Variants in GATAD2B observed in about 807,000 individuals in gnomAD.
The protein encoded by GATAD2B is transcriptional repressor p66-beta.
GATAD2B carries 8 observed loss-of-function variants against 64.3 expected under a neutral mutation model. That is an observed-to-expected ratio of 0.12 (90% CI 0.07 to 0.22). The LOEUF is 0.22. Among genes scored for constraint, GATAD2B ranks in the 10% least tolerant of loss-of-function variants. GATAD2B has a pLI of 1.00. For synonymous variants in GATAD2B, 281 were observed against 271.3 expected (o/e 1.04, Z -0.35); for missense variants, 453 against 752.0 (o/e 0.60, Z 4.65).
At chr1:153,869,000 A>G (rs1471213532) in intron 1 of GATAD2B, among the ~76,000 whole-genome samples, 2 of 152,130 alleles carry the variant, frequency 1.3e-5, no homozygotes, top group Non-Finnish European at 2.9e-5. Context: ...TTAGCATACA[A>G]AGACAATTCT....
intron 1 of GATAD2B, among the ~76,000 whole-genome samples, chr1:153,903,357 T>C (rs1236552045): frequency 6.6e-6 from 1 of 152,184 alleles, no homozygotes; most frequent in Non-Finnish European, 1.5e-5. Context: ...GCATCTGGAA[T>C]CTTCACTCCA....
At chr1:153,866,120 C>T (rs1223071799) in intron 1 of GATAD2B, among the ~76,000 whole-genome samples, 1 of 150,224 alleles carries the variant, frequency 6.7e-6, no homozygotes, top group Non-Finnish European at 1.5e-5. Flanking sequence ...AGAACAATCG[C>T]TTGAACTTGG....
At chr1:153,811,989 A>G (rs770073613) in intron 9 of GATAD2B, 33 bp downstream of exon 9, 23 of 1,406,476 alleles carry the variant, frequency 1.6e-5, no homozygotes, top group Non-Finnish European at 1.7e-5. Context: ...TAAATCTTCT[A>G]AAGAAATCAG....
At position 153,815,578 on chromosome 1, in the gene GATAD2B, T is replaced by C. The variant is rs1674450635; in HGVS notation, c.1216+695A>G. ...GATGATGTTAAGTGAGAACTTACTG[T>C]CCTACAAAAAACACACAAGATAGAT... is the stretch of plus-strand genomic sequence containing the variant. On this transcript the variant is annotated intron_variant, in intron 7 of 10. Transcript: ENST00000368655. Among the ~76,000 whole-genome samples the C allele has an allele frequency of 2.0e-5, 3 of 151,660 alleles. No individual in the cohort carries two copies. The East Asian group carries it at 5.8e-4, about 29-fold the overall frequency.
Position 153,828,156 on chromosome 1 carries a change from G to A in GATAD2B, c.192C>T (p.Pro64=), listed in dbSNP as rs570989412. The A allele has an allele frequency of 1.2e-6, 2 of 1,614,120 alleles. No homozygotes were observed. Among genetic ancestry groups the A allele is most frequent in the African/African-American group, 1.3e-5 (1 of 75,032 alleles). The change falls in exon 2 of 11, where the codon CCC becomes CCT. Residue 64 remains proline, a synonymous_variant. Transcript: ENST00000368655. The part of the protein sequence containing the change: ...LANLEVPHEL[P]TKQDGSGVKG... Reference sequence around the variant, plus strand: ...TGACACCACTGCCATCCTGTTTGGTGGGTAACTCATGTGGCACCTCAAGAT... The same window carrying A: ...TGACACCACTGCCATCCTGTTTGGTAGGTAACTCATGTGGCACCTCAAGAT...
intron 1 of GATAD2B, among the ~76,000 whole-genome samples, chr1:153,876,284 G>A (rs2101935124): frequency 7.2e-6 from 1 of 139,728 alleles, no homozygotes; most frequent in African/African-American, 2.7e-5. Context: ...TTAAATGGCT[G>A]GGCGTGGTTA....
At chr1:153,883,046 G>A (rs1296286140) in intron 1 of GATAD2B, among the ~76,000 whole-genome samples, 2 of 151,942 alleles carry the variant, frequency 1.3e-5, no homozygotes, top group African/African-American at 4.8e-5. Flanking sequence ...AAGGGGGGAG[G>A]GATTTTCTTA....
At chr1:153,831,825 T>A (rs1316495738) in intron 1 of GATAD2B, among the ~76,000 whole-genome samples, 2 of 152,196 alleles carry the variant, frequency 1.3e-5, no homozygotes, top group African/African-American at 4.8e-5. Context: ...GTAGGAAAAG[T>A]CTGCCACTCA....
intron 2 of GATAD2B, among the ~76,000 whole-genome samples, chr1:153,826,823 C>T (rs1470603413): frequency 2.0e-5 from 3 of 151,710 alleles, no homozygotes; most frequent in African/African-American, 7.3e-5. Context: ...CACCTGTAGT[C>T]CCAGCTACTT....
At chr1:153,823,900 T>C (rs1674774574) in intron 2 of GATAD2B, among the ~76,000 whole-genome samples, 1 of 151,968 alleles carries the variant, frequency 6.6e-6, no homozygotes, top group African/African-American at 2.4e-5. Flanking sequence ...TGGCTAATTT[T>C]TGTATTTTTA....
intron 1 of GATAD2B, among the ~76,000 whole-genome samples, chr1:153,878,162 CTT>C (rs71899872): frequency 1.5e-4 from 22 of 145,722 alleles, no homozygotes; most frequent in East Asian, 4.0e-4. Flanking sequence ...ATCCTGCAAT[CTT>C]TTTTTTTTTT....
At chr1:153,871,483 T>C (rs557382010) in intron 1 of GATAD2B, among the ~76,000 whole-genome samples, 1 of 152,294 alleles carries the variant, frequency 6.6e-6, no homozygotes, top group East Asian at 1.9e-4. Flanking sequence ...ATTACAGGTG[T>C]AAGCCACTGT....
rs1423354307 is a variant in GATAD2B, at chr1:153,828,022, G to A, written c.326C>T (p.Ala109Val). The A allele has an allele frequency of 6.2e-7, 1 of 1,613,472 alleles. No individual in the cohort carries two copies. Among genetic ancestry groups the A allele is most frequent in the African/African-American group, 1.3e-5 (1 of 75,006 alleles). Residue 109 changes from alanine to valine, a missense_variant, in exon 2 of 11, where the codon GCT becomes GTT. Coordinates refer to ENST00000368655, the MANE Select transcript of GATAD2B (RefSeq NM_020699.4). The stretch of plus-strand genomic sequence containing the variant: ...CTGAACTGAGCCATACCTCCGTCTA[G>A]CACTCATATCCACAGGCTCATCATT... ...NINDEPVDMS[A>V]RRSEPERGRL...
At chr1:153,863,724 A>G (rs1432468725) in intron 1 of GATAD2B, among the ~76,000 whole-genome samples, 1 of 151,782 alleles carries the variant, frequency 6.6e-6, no homozygotes, top group Non-Finnish European at 1.5e-5. Context: ...CCCAAGTTCA[A>G]GCAATTCTCC....
intron 1 of GATAD2B, among the ~76,000 whole-genome samples, chr1:153,835,804 C>T (rs770916999): frequency 1.3e-5 from 2 of 151,678 alleles, no homozygotes; most frequent in Non-Finnish European, 2.9e-5. Context: ...TTCATTACAA[C>T]CTCTGCCTCC....
chr1:153,838,287 T>A (rs1404996948), intron 1 of GATAD2B, among the ~76,000 whole-genome samples: 1 of 152,194 alleles, frequency 6.6e-6, no homozygotes, highest in Non-Finnish European at 1.5e-5. Context: ...AAGTCAGACA[T>A]TAGGAGTAAA....
At chr1:153,880,173 A>C (rs1570984261) in intron 1 of GATAD2B, among the ~76,000 whole-genome samples, 1 of 151,954 alleles carries the variant, frequency 6.6e-6, no homozygotes, top group East Asian at 1.9e-4. Flanking sequence ...GAATGATTAG[A>C]AACAGTCGGC....
intron 2 of GATAD2B, among the ~76,000 whole-genome samples, chr1:153,825,315 T>C (rs948803548): frequency 1.3e-5 from 2 of 152,214 alleles, no homozygotes; most frequent in Non-Finnish European, 2.9e-5. Context: ...AACCTACTTA[T>C]ATAATATTCT....
At chr1:153,839,617 T>C (rs910096196) in intron 1 of GATAD2B, among the ~76,000 whole-genome samples, 2 of 152,218 alleles carry the variant, frequency 1.3e-5, no homozygotes, top group Non-Finnish European at 2.9e-5. Context: ...AAGTTATCAG[T>C]ATTTATAATG....
Sources: gnomAD v4.1 joint callset for allele counts (sites outside exome capture counted in the v4.1 genomes callset) on GRCh38, gnomAD v4.1.1 for gene constraint, MANE v1.5 for transcripts, NCBI Gene and HGNC (gene_info 2026-07-23, HGNC 2026-07-21) for gene names.